Variants in ZNF638 observed in about 807,000 individuals in gnomAD.
The protein encoded by ZNF638 is CTCL tumor antigen se33-1.
A neutral mutation model predicts 195.6 loss-of-function variants in ZNF638; 46 were observed. The ratio of observed to expected loss-of-function variants is 0.24; its 90% CI spans 0.19 to 0.30. The LOEUF (loss-of-function observed/expected upper bound fraction) is 0.30, where lower values mean the gene tolerates loss of function less well. Among genes scored for constraint, ZNF638 ranks in the 10% least tolerant of loss-of-function variants. The pLI is 1.00. For synonymous variants in ZNF638, 845 were observed against 772.0 expected (o/e 1.09, Z -1.57); for missense variants, 2,440 against 2,325.3 (o/e 1.05, Z -1.01).
chr2:71,395,115 C>T, intron 10 of ZNF638: 1 of 641,078 alleles, frequency 1.6e-6, no homozygotes, highest in East Asian at 2.7e-5. Flanking sequence ...CGCCATAGAT[C>T]TACATGTCCA....
intron 27 of ZNF638, 32 bp downstream of exon 27, chr2:71,433,315 G>A (rs2080703795): frequency 1.4e-6 from 2 of 1,466,930 alleles, no homozygotes; most frequent in Non-Finnish European, 1.9e-6. Context: ...AAATCTTGAG[G>A]TGTTGTTATT....
Position 71,422,960 on chromosome 2 carries a change from A to C in ZNF638, c.3446A>C (p.Glu1149Ala), listed in dbSNP as rs1445958565. 1.2e-6 allele frequency: 2 copies of C among 1,614,028 alleles called. No homozygotes were observed. The highest frequency in any genetic ancestry group is 1.7e-6 in the Non-Finnish European group (2 of 1,179,988). The change falls in exon 22 of 28, where the codon GAA becomes GCA. Residue 1149 changes from glutamate to alanine, a missense_variant. Transcript: ENST00000264447. ...GTACAGCAGGAAGAGCCTTGTGAGG[A>C]AGAAGCTGAAAAAGCAACATGTGAT... ...TLVQQEEPCE[E>A]EAEKATCDSD...
chr2:71,360,695 A>C (rs1420713841), intron 3 of ZNF638, among the ~76,000 whole-genome samples: 1 of 152,066 alleles, frequency 6.6e-6, no homozygotes, highest in African/African-American at 2.4e-5. Context: ...TTTCCTTAGC[A>C]TTAAATTCAC....
chr2:71,404,303 T>A (rs925183644), intron 17 of ZNF638, among the ~76,000 whole-genome samples: 5 of 152,244 alleles, frequency 3.3e-5, no homozygotes, highest in Admixed American at 2.6e-4. Context: ...TTCTGGAAGT[T>A]ATCTTTAATT....
Position 71,349,271 on chromosome 2 carries a change from A to G in ZNF638, c.317A>G (p.Asp106Gly), listed in dbSNP as rs765925772. Residue 106 changes from aspartate (D) to glycine (G), a missense_variant, in exon 2 of 28, where the codon GAT becomes GGT. Asp to Gly is a moderately conservative substitution (Grantham distance 94). This residue lies in a region of ZNF638 where 191 missense variants were observed against 173.8 expected (regional missense o/e 1.10). Coordinates refer to ENST00000264447, the MANE Select transcript of ZNF638 (RefSeq NM_014497.5). ...AAGCCTCATGGTAGCCGGTGGGATG[A>G]TGAGCCTCATATATCTGCATCAGTG... ...KGKPHGSRWD[D>G]EPHISASVAV... 3 of 1,614,166 alleles carry G rather than the reference A, an allele frequency of 1.9e-6. No homozygotes were observed. Among genetic ancestry groups the G allele is most frequent in the Non-Finnish European group, 2.5e-6 (3 of 1,180,030 alleles).
chr2:71,433,365 TC>T (rs34126477), intron 27 of ZNF638, 82 bp downstream of exon 27: 3 of 979,888 alleles, frequency 3.1e-6, no homozygotes, highest in Non-Finnish European at 1.6e-6. Flanking sequence ...AACGTACATT[TC>T]CCCCCGCTTT....
chr2:71,404,020 A>G, intron 17 of ZNF638, 22 bp downstream of exon 17: 1 of 1,584,690 alleles, frequency 6.3e-7, no homozygotes, highest in Non-Finnish European at 8.6e-7. Context: ...CACCATTTTT[A>G]CTAGCTCTTA....
At chr2:71,374,094 G>C (rs1355783663) in intron 8 of ZNF638, 1 of 152,274 alleles carries the variant, frequency 6.6e-6, no homozygotes, top group East Asian at 1.9e-4. Flanking sequence ...CCGAAGTGTT[G>C]GGATTACAGG....
At chr2:71,417,194 A>T (rs1247797768) in intron 20 of ZNF638, among the ~76,000 whole-genome samples, 1 of 151,790 alleles carries the variant, frequency 6.6e-6, no homozygotes, top group Admixed American at 6.6e-5. Context: ...CCGTTTCTTA[A>T]GCTGGTCTGA....
Position 71,431,409 on chromosome 2 carries a change from G to A in ZNF638, c.5733G>A (p.Val1911=). ...KTEDSSSGKS[V]ASDVPEELDF... ...AAGACTCTTCTTCAGGCAAATCAGTGGCGTCTGATGTCCCTGAGGGTAAAG... is the reference window on the plus strand; with the variant it reads ...AAGACTCTTCTTCAGGCAAATCAGTAGCGTCTGATGTCCCTGAGGGTAAAG... Residue 1911 remains valine, a synonymous_variant, in exon 26 of 28, where the codon GTG becomes GTA. Transcript: ENST00000264447. 1 of 1,613,852 alleles carries A rather than the reference G, an allele frequency of 6.2e-7. No individual in the cohort carries two copies. The highest frequency in any genetic ancestry group is 8.5e-7 in the Non-Finnish European group (1 of 1,179,844).
chr2:71,345,789 A>G (rs1379511851), intron 1 of ZNF638, among the ~76,000 whole-genome samples: 1 of 152,148 alleles, frequency 6.6e-6, no homozygotes, highest in Non-Finnish European at 1.5e-5. Context: ...TACCGGCGTG[A>G]GTGAGCTACC....
rs142061376 is a variant in ZNF638 at position 71,364,166 on chromosome 2, G to A, written c.1631G>A (p.Arg544Gln). 240 of 1,614,130 alleles carry A rather than the reference G, an allele frequency of 1.5e-4. No homozygotes were observed. Among genetic ancestry groups the A allele is most frequent in the South Asian group, 2.1e-4 (19 of 91,068 alleles). The change falls in exon 5 of 28, where the codon CGA (arginine) becomes CAA (glutamine). Residue 544 changes from arginine (R) to glutamine (Q), a missense_variant. Physicochemically the swap from Arg to Gln is conservative, Grantham distance 43. This residue lies in a region of ZNF638 where 1,883 missense variants were observed against 1,739.1 expected (regional missense o/e 1.08). Coordinates refer to ENST00000264447, the MANE Select transcript of ZNF638 (RefSeq NM_014497.5). ...RSRSRSRSPY[R>Q]IRNPFRGSPK... is the part of the protein sequence containing the mutation. ...AGATCCAGATCCCGTTCACCATATC[G>A]AATTAGAAATCCATTTAGAGGTAGT...
intron 25 of ZNF638, 23 bp downstream of exon 25, chr2:71,428,674 G>C (rs751494749): frequency 1.3e-6 from 2 of 1,588,942 alleles, no homozygotes; most frequent in South Asian, 1.1e-5. Context: ...TGTTGGAATG[G>C]GAAGGAAAGT....
intron 1 of ZNF638, among the ~76,000 whole-genome samples, chr2:71,338,378 G>C (rs1235909168): frequency 6.6e-6 from 1 of 152,140 alleles, no homozygotes; most frequent in East Asian, 1.9e-4. Flanking sequence ...TATGGACTCT[G>C]TTTTTTCCAG....
At chr2:71,381,967 C>G (rs2670718) in intron 10 of ZNF638, among the ~76,000 whole-genome samples, 3 of 152,032 alleles carry the variant, frequency 2.0e-5, no homozygotes, top group Non-Finnish European at 4.4e-5. Context: ...GAAAAAACAG[C>G]TGGGCTTCAC....
intron 2 of ZNF638, among the ~76,000 whole-genome samples, chr2:71,352,012 G>A (rs1657178644): frequency 6.6e-6 from 1 of 152,188 alleles, no homozygotes; most frequent in Non-Finnish European, 1.5e-5. Flanking sequence ...TTAAAAATAA[G>A]TATAAATATG....
At chr2:71,430,924 A>C (rs541474557) in intron 25 of ZNF638, 1 of 154,452 alleles carries the variant, frequency 6.5e-6, no homozygotes, top group Non-Finnish European at 1.4e-5. Context: ...TTTAGGCTCC[A>C]TTTTCTAGAT....
chr2:71,401,059 G>A (rs1486303388), intron 15 of ZNF638, among the ~76,000 whole-genome samples: 1 of 152,072 alleles, frequency 6.6e-6, no homozygotes, highest in African/African-American at 2.4e-5. Flanking sequence ...CAGGTGTTGA[G>A]CATAAGTTTT....
chr2:71,397,948 G>A (rs947580171), intron 11 of ZNF638, among the ~76,000 whole-genome samples: 1 of 152,200 alleles, frequency 6.6e-6, no homozygotes, highest in Non-Finnish European at 1.5e-5. Flanking sequence ...TATGATATAA[G>A]TATTCTTGAA....
Sources: gnomAD v4.1 joint callset for allele counts (sites outside exome capture counted in the v4.1 genomes callset) on GRCh38, gnomAD v4.1.1 for gene constraint, gnomAD v4.1.1 regional missense constraint, MANE v1.5 for transcripts, NCBI Gene and HGNC (gene_info 2026-07-23, HGNC 2026-07-21) for gene names.